Variants in CENPP observed in about 807,000 individuals in gnomAD.
CENPP encodes centromere protein P.
In CENPP, 24 loss-of-function variants were observed where a neutral mutation model predicts 35.6. The ratio of observed to expected loss-of-function variants is 0.67; its 90% CI spans 0.49 to 0.95. The LOEUF (loss-of-function observed/expected upper bound fraction) is 0.95, where lower values mean the gene tolerates loss of function less well. Among genes scored for constraint, CENPP ranks in the 40% least tolerant of loss-of-function variants. CENPP has a pLI of 0.00. For missense variants in CENPP, 332 were observed against 345.3 expected, an observed-to-expected ratio of 0.96 and a Z score of 0.31; for synonymous variants, 120 against 125.5, an observed-to-expected ratio of 0.96 and a Z score of 0.29.
intron 5 of CENPP, among the ~76,000 whole-genome samples, chr9:92,421,049 C>T (rs1352600160): frequency 1.3e-5 from 2 of 152,016 alleles, no homozygotes; most frequent in Non-Finnish European, 2.9e-5. Context: ...AGGGATTAGC[C>T]TAACTTTTTT....
intron 5 of CENPP, among the ~76,000 whole-genome samples, chr9:92,387,053 G>GAAAAAAAAAAA (rs903436031): frequency 2.0e-5 from 1 of 50,174 alleles, no homozygotes; most frequent in Admixed American, 2.6e-4. Context: ...GTCTCAAAAA[G>GAAAAAAAAAAA]AAAAAAAAAA....
At chr9:92,605,729 G>A (rs1224499161) in intron 5 of CENPP, among the ~76,000 whole-genome samples, 7 of 152,158 alleles carry the variant, frequency 4.6e-5, no homozygotes. Context: ...CTCTGTGACT[G>A]TGAATTAGGT....
intron 5 of CENPP, among the ~76,000 whole-genome samples, chr9:92,494,820 T>C (rs906768192): frequency 2.0e-5 from 3 of 151,998 alleles, no homozygotes; most frequent in African/African-American, 2.4e-5. Flanking sequence ...AGCAGGAGAA[T>C]CGCTTGAACC....
chr9:92,485,452 G>T (rs1367522421), intron 5 of CENPP, among the ~76,000 whole-genome samples: 2 of 152,152 alleles, frequency 1.3e-5, no homozygotes, highest in Admixed American at 6.5e-5. Context: ...GACAGTTTAT[G>T]AATAAAAATA....
At chr9:92,422,125 A>T (rs1226224766) in intron 5 of CENPP, among the ~76,000 whole-genome samples, 1 of 151,762 alleles carries the variant, frequency 6.6e-6, no homozygotes, top group African/African-American at 2.4e-5. Flanking sequence ...ATCTCGGCTC[A>T]CTGCAACCTC....
intron 5 of CENPP, chr9:92,403,609 G>A (rs539101147): frequency 1.6e-6 from 2 of 1,214,902 alleles, no homozygotes; most frequent in African/African-American, 3.1e-5. Context: ...GATGCTAGCA[G>A]TTTTTATGTA....
intron 5 of CENPP, chr9:92,496,505 A>T (rs1204480964): frequency 1.2e-6 from 2 of 1,603,158 alleles, no homozygotes; most frequent in African/African-American, 1.3e-5. Context: ...TAGACATGCA[A>T]GTCACACATG....
chr9:92,340,128 C>G (rs1841065068), intron 3 of CENPP: 1 of 153,644 alleles, frequency 6.5e-6, no homozygotes, highest in African/African-American at 2.4e-5. Flanking sequence ...CAGGCTTTTT[C>G]TACTGTAAGA....
rs535618617 is a variant in CENPP at position 92,424,129 on chromosome 9, A to C, written c.564+44270A>C. On this transcript the variant is annotated intron_variant, in intron 5 of 7. Transcript: ENST00000375587. The stretch of plus-strand genomic sequence containing the variant: ...GATGCAGTCTATTTTAATATTAAAA[A>C]ATCCAATATACTTTTAAATTTTAAC... The C allele has an allele frequency of 6.6e-5, 10 of 152,336 alleles. No individual in the cohort carries two copies. The East Asian group carries it at 1.9e-3, about 29-fold the overall frequency. 9.4% of individuals were successfully genotyped at this position (152,336 alleles called of 1,614,324 possible).
chr9:92,408,604 C>G (rs558259629), intron 5 of CENPP, among the ~76,000 whole-genome samples: 4 of 152,254 alleles, frequency 2.6e-5, no homozygotes, highest in African/African-American at 9.6e-5. Flanking sequence ...CTACAGAGTT[C>G]CTCAGCCTCT....
intron 5 of CENPP, among the ~76,000 whole-genome samples, chr9:92,397,156 A>T (rs1257988048): frequency 2.0e-5 from 3 of 152,060 alleles, no homozygotes; most frequent in Admixed American, 2.0e-4. Context: ...CAGCATGGGT[A>T]ATAGAGCGAG....
chr9:92,598,745 GT>G (rs35301833), intron 5 of CENPP, among the ~76,000 whole-genome samples: 2,380 of 144,544 alleles, frequency 0.016, 62 homozygotes, highest in African/African-American at 0.054. Flanking sequence ...AACTGAAGGG[GT>G]TTTTTTTTTT....
At chr9:92,463,956 T>C (rs1332425411) in intron 5 of CENPP, among the ~76,000 whole-genome samples, 1 of 152,220 alleles carries the variant, frequency 6.6e-6, no homozygotes, top group Non-Finnish European at 1.5e-5. Flanking sequence ...ACTGTGTCTT[T>C]TAAATTATCT....
intron 5 of CENPP, chr9:92,522,503 C>T (rs1197195903): frequency 3.6e-6 from 5 of 1,394,306 alleles, no homozygotes; most frequent in Non-Finnish European, 4.8e-6. Context: ...CTCTCCCTCT[C>T]TCCTTCTCTT....
intron 4 of CENPP, among the ~76,000 whole-genome samples, chr9:92,359,906 A>G (rs1175358130): frequency 1.3e-5 from 2 of 151,908 alleles, no homozygotes; most frequent in African/African-American, 4.8e-5. Flanking sequence ...CTGCTGCTAT[A>G]CTAAGAGCTG....
At chr9:92,520,512 G>A (rs1269375119) in intron 5 of CENPP, among the ~76,000 whole-genome samples, 1 of 152,112 alleles carries the variant, frequency 6.6e-6, no homozygotes, top group Non-Finnish European at 1.5e-5. Context: ...ATTGCTGGTG[G>A]GCATATAACA....
At chr9:92,330,552 G>T (rs529453101) in intron 1 of CENPP, among the ~76,000 whole-genome samples, 87 of 151,574 alleles carry the variant, frequency 5.7e-4, no homozygotes, top group African/African-American at 2.1e-3. Flanking sequence ...TAAGCTGGCC[G>T]GAAAAGTCAA....
intron 5 of CENPP, among the ~76,000 whole-genome samples, chr9:92,408,708 A>T (rs988452564): frequency 6.6e-6 from 1 of 152,134 alleles, no homozygotes; most frequent in African/African-American, 2.4e-5. Context: ...CCTTCTACCC[A>T]CTAGATGCTA....
At chr9:92,514,815 C>T (rs768433001) in intron 5 of CENPP, 16 of 1,613,194 alleles carry the variant, frequency 9.9e-6, no homozygotes, top group Non-Finnish European at 1.4e-5. Flanking sequence ...TTACCGGGTC[C>T]TCCTCGTCCT....
Sources: allele counts gnomAD v4.1 joint callset (sites outside exome capture counted in the v4.1 genomes callset), GRCh38; gene constraint gnomAD v4.1.1; transcripts MANE v1.5; gene names NCBI Gene and HGNC (gene_info 2026-07-23, HGNC 2026-07-21).